The following MIER2 variants were observed in gnomAD, a reference collection of about 807,000 sequenced individuals.
MIER2 encodes mesoderm induction early response protein 2.
Under a neutral mutation model 67.6 loss-of-function variants are expected in MIER2, and 30 were observed. That is an observed-to-expected ratio of 0.44 (90% CI 0.33 to 0.60). MIER2 has a LOEUF of 0.60. Ranked by LOEUF, MIER2 falls within the 20% of genes least tolerant of loss-of-function variation. The pLI, the probability that MIER2 is intolerant of heterozygous loss-of-function variation, is 0.02. For missense variants in MIER2, 702 were observed against 745.1 expected (o/e 0.94, Z 0.67); for synonymous variants, 372 against 312.6 (o/e 1.19, Z -2.00).
At chr19:336,880 T>A (rs1972282032) in intron 1 of MIER2, among the ~76,000 whole-genome samples, 1 of 152,090 alleles carries the variant, frequency 6.6e-6, no homozygotes, top group South Asian at 2.1e-4. Context: ...CCTTGCTCTG[T>A]CGCCCAGGCT....
intron 10 of MIER2, among the ~76,000 whole-genome samples, chr19:310,603 G>GGAGCTGCAGAAACACGGCCC (rs1970931746): frequency 2.0e-5 from 2 of 98,122 alleles, no homozygotes; most frequent in African/African-American, 1.1e-4. Flanking sequence ...AAACACAGCC[G>GGAGCTGCAGAAACACGGCCC]GGAGCTATAG....
intron 7 of MIER2, among the ~76,000 whole-genome samples, chr19:321,767 A>G (rs1971512813): frequency 6.6e-6 from 1 of 152,094 alleles, no homozygotes; most frequent in South Asian, 2.1e-4. Flanking sequence ...CTTCCTTGTA[A>G]CCTGTAATAA....
intron 3 of MIER2, among the ~76,000 whole-genome samples, chr19:330,656 A>T (rs1971984028): frequency 6.6e-6 from 1 of 152,040 alleles, no homozygotes. Context: ...CGGGGCATTT[A>T]CAGAGGTAAT....
At chr19:314,440 G>A (rs981429747) in intron 7 of MIER2, among the ~76,000 whole-genome samples, 12 of 152,198 alleles carry the variant, frequency 7.9e-5, no homozygotes, top group African/African-American at 2.4e-4. Context: ...AATTATCCAG[G>A]AAAGAGGCAC....
intron 3 of MIER2, among the ~76,000 whole-genome samples, chr19:329,497 C>T (rs1216260521): frequency 1.3e-5 from 2 of 152,154 alleles, no homozygotes; most frequent in Admixed American, 6.6e-5. Flanking sequence ...GGCAAGAGCC[C>T]AGTGCCCGTG....
At chr19:343,307 C>T (rs1050130015) in intron 1 of MIER2, among the ~76,000 whole-genome samples, 1 of 152,180 alleles carries the variant, frequency 6.6e-6, no homozygotes, top group Non-Finnish European at 1.5e-5. Context: ...GTGTGTTGCC[C>T]AGATTCCAGG....
chr19:342,617 C>T (rs2166359), intron 1 of MIER2, among the ~76,000 whole-genome samples: 114,523 of 146,180 alleles, frequency 0.78, 45,156 homozygotes, highest in African/African-American at 0.88. Context: ...TCTAGTATGC[C>T]TGAGAAAAGT....
At chr19:309,003 T>C (rs1329713584) in intron 10 of MIER2, 78 bp from the exon 11 acceptor site, 5 of 1,479,734 alleles carry the variant, frequency 3.4e-6, no homozygotes, top group Admixed American at 1.8e-5. Flanking sequence ...CAGGACGTCC[T>C]GGGACCCCGG....
rs182552145 is a variant in MIER2 at position 324,102 on chromosome 19, C to T, written c.655+1533G>A. Among the ~76,000 whole-genome samples the T allele has an allele frequency of 7.7e-4, 94 of 122,136 alleles. 4 individuals carry two copies. Among genetic ancestry groups the T allele is most frequent in the Non-Finnish European group, 1.3e-3 (79 of 62,092 alleles). 80.1% of individuals were successfully genotyped at this position (122,136 alleles called of 152,430 possible). Reference sequence around the variant, plus strand: ...ACGCAGACGACTCAAAGGACATAGGCGTCATCACAATGCAATAAAGACACA... The same window carrying T: ...ACGCAGACGACTCAAAGGACATAGGTGTCATCACAATGCAATAAAGACACA... On this transcript the variant is annotated intron_variant, in intron 7 of 13. Coordinates refer to ENST00000264819, the MANE Select transcript of MIER2 (RefSeq NM_017550.3).
At chr19:334,982 A>G (rs1972174292) in intron 2 of MIER2, among the ~76,000 whole-genome samples, 1 of 152,210 alleles carries the variant, frequency 6.6e-6, no homozygotes, top group Non-Finnish European at 1.5e-5. Context: ...ATCAAGGAGC[A>G]TGCAGGGACA....
chr19:329,764 T>C (rs1971933661), intron 3 of MIER2, among the ~76,000 whole-genome samples: 1 of 148,606 alleles, frequency 6.7e-6, no homozygotes, highest in South Asian at 2.1e-4. Flanking sequence ...TGGGTTCCTG[T>C]AATCCCAGGG....
At chr19:318,624 A>G (rs72984453) in intron 7 of MIER2, among the ~76,000 whole-genome samples, 22,161 of 152,246 alleles carry the variant, frequency 0.15, 2,176 homozygotes, top group African/African-American at 0.26. Flanking sequence ...ACCCAACAAC[A>G]GCACAGCACA....
intron 7 of MIER2, among the ~76,000 whole-genome samples, chr19:314,534 G>A (rs1335685663): frequency 1.3e-5 from 2 of 152,164 alleles, no homozygotes; most frequent in African/African-American, 4.8e-5. Flanking sequence ...GGGGAAAACA[G>A]CTCCACACGG....
chr19:335,399 G>T (rs1568236580), intron 2 of MIER2, among the ~76,000 whole-genome samples: 1 of 152,250 alleles, frequency 6.6e-6, no homozygotes, highest in Non-Finnish European at 1.5e-5. Context: ...TAGAGTGAGG[G>T]AATGACCTGG....
At chr19:315,181 A>G (rs377069091) in intron 7 of MIER2, among the ~76,000 whole-genome samples, 16 of 116,088 alleles carry the variant, frequency 1.4e-4, no homozygotes, top group Middle Eastern at 8.6e-3. Context: ...CCTGGCAAAC[A>G]TGGCGAAACC....
At chr19:342,795 A>G (rs893463821) in intron 1 of MIER2, among the ~76,000 whole-genome samples, 2 of 152,012 alleles carry the variant, frequency 1.3e-5, no homozygotes, top group Non-Finnish European at 2.9e-5. Context: ...TCCATGTACA[A>G]GCCGTTGTGG....
intron 10 of MIER2, among the ~76,000 whole-genome samples, chr19:311,002 GC>G (rs1284742262): frequency 1.3e-5 from 2 of 152,224 alleles, no homozygotes; most frequent in African/African-American, 4.8e-5. Flanking sequence ...TCGCTGCTGC[GC>G]ACGGCACCGC....
In MIER2 at chr19:305,770, A is replaced by T. The variant is rs763978577; in HGVS notation, c.*920T>A. The T allele has an allele frequency of 6.6e-6, 1 of 152,500 alleles. No individual in the cohort carries two copies. The highest frequency in any genetic ancestry group is 1.5e-5 in the Non-Finnish European group (1 of 68,100). 9.4% of individuals were successfully genotyped at this position (152,500 alleles called of 1,614,324 possible). ...GGACCCCACTCCAACGTGTAAACAGAAACAGAAACGAACGAGAGGGCCAGG... is the reference window on the plus strand; with the variant it reads ...GGACCCCACTCCAACGTGTAAACAGTAACAGAAACGAACGAGAGGGCCAGG... On this transcript the variant is annotated 3_prime_UTR_variant, in exon 14 of 14. Coordinates refer to ENST00000264819, the MANE Select transcript of MIER2 (RefSeq NM_017550.3).
At chr19:317,730 C>CAAAAAAA (rs10710807) in intron 7 of MIER2, among the ~76,000 whole-genome samples, 1 of 84,330 alleles carries the variant, frequency 1.2e-5, no homozygotes, top group South Asian at 3.5e-4. Context: ...GACTCTGTCT[C>CAAAAAAA]AAAAAAAAAA....
Sources: gnomAD v4.1 joint callset for allele counts (sites outside exome capture counted in the v4.1 genomes callset) on GRCh38, gnomAD v4.1.1 for gene constraint, MANE v1.5 for transcripts, NCBI Gene and HGNC (gene_info 2026-07-23, HGNC 2026-07-21) for gene names.